Variants in ABCC9 observed in about 807,000 individuals in gnomAD.
The protein encoded by ABCC9 is ATP binding cassette subfamily C member 9.
In ABCC9, 95 loss-of-function variants were observed where a neutral mutation model predicts 188.3. The ratio of observed to expected loss-of-function variants is 0.50; its 90% CI spans 0.43 to 0.60. ABCC9 has a LOEUF of 0.60. Ranked by LOEUF, ABCC9 falls within the 20% of genes least tolerant of loss-of-function variation. ABCC9 has a pLI of 0.00. For synonymous variants in ABCC9, 659 were observed against 652.7 expected, an observed-to-expected ratio of 1.01 and a Z score of -0.15; for missense variants, 1,102 against 1,876.3, an observed-to-expected ratio of 0.59 and a Z score of 7.62.
At chr12:21,822,602 A>G (rs768094815) in intron 31 of ABCC9, among the ~76,000 whole-genome samples, 27 of 151,454 alleles carry the variant, frequency 1.8e-4, no homozygotes, top group Non-Finnish European at 1.9e-4. Flanking sequence ...GATCGAGACC[A>G]TCCTGGCTAA....
intron 5 of ABCC9, among the ~76,000 whole-genome samples, chr12:21,922,803 G>A (rs1948882415): frequency 8.4e-6 from 1 of 119,332 alleles, no homozygotes; most frequent in Non-Finnish European, 1.7e-5. Flanking sequence ...ACTGTATATA[G>A]AAACTCAAAA....
In ABCC9 at chr12:21,929,836, C is replaced by T. The variant is rs183862725; in HGVS notation, c.285-3773G>A. On this transcript the variant is annotated intron_variant, in intron 4 of 39. Transcript: ENST00000261200. ...GTACTGGGTATTAATTTTATATATA[C>T]ATATTTTTTTATTATACTTTAAGTT... is the stretch of plus-strand genomic sequence containing the variant. 4.4e-3 allele frequency among the ~76,000 whole-genome samples: 667 copies of T among 152,104 alleles called. 2 individuals are homozygous for T. Among genetic ancestry groups the T allele is most frequent in the Non-Finnish European group, 7.1e-3 (481 of 67,956 alleles).
At chr12:21,856,301 C>T (rs373221639) in intron 22 of ABCC9, among the ~76,000 whole-genome samples, 69 of 152,094 alleles carry the variant, frequency 4.5e-4, no homozygotes, top group African/African-American at 1.4e-3. Flanking sequence ...AATTGCCAAA[C>T]GGCCAATTCA....
chr12:21,941,267 T>G lies in ABCC9; in HGVS notation c.-204A>C, dbSNP rs560089127. The G allele has an allele frequency of 2.6e-5, 4 of 152,456 alleles. 1 individual carries two copies. In the East Asian group the frequency reaches 7.7e-4, roughly 29 times the overall value. 9.4% of individuals were successfully genotyped at this position (152,456 alleles called of 1,614,324 possible). On this transcript the variant is annotated 5_prime_UTR_variant, in exon 1 of 40. Coordinates refer to ENST00000261200, the MANE Select transcript of ABCC9 (RefSeq NM_020297.4). The surrounding 1 kb of genome is among the most constrained non-coding windows in gnomAD (Gnocchi z 5.4). ...CCGGAACGGATTATTTTTAGGGTGG[T>G]GGGAGACCAGCTGCTGCCTCCTATC...
chr12:21,822,573 T>G (rs916600606), intron 31 of ABCC9, among the ~76,000 whole-genome samples: 3 of 151,844 alleles, frequency 2.0e-5, no homozygotes, highest in South Asian at 2.1e-4. Flanking sequence ...GTCAAGGCGG[T>G]CAGATCACGA....
chr12:21,939,654 G>C (rs1949620164), intron 2 of ABCC9, among the ~76,000 whole-genome samples: 1 of 152,150 alleles, frequency 6.6e-6, no homozygotes, highest in Admixed American at 6.5e-5. Flanking sequence ...AGGAGAGAGA[G>C]AGAAGGGAGA....
intron 5 of ABCC9, among the ~76,000 whole-genome samples, chr12:21,918,217 T>G (rs1948676642): frequency 6.6e-6 from 1 of 152,080 alleles, no homozygotes; most frequent in Admixed American, 6.6e-5. Context: ...TAAAAAAGAC[T>G]TTTAATAATA....
At chr12:21,925,851 A>T in intron 5 of ABCC9, 91 bp downstream of exon 5, 3 of 1,367,968 alleles carry the variant, frequency 2.2e-6, no homozygotes, top group Non-Finnish European at 3.1e-6. Context: ...ACACTCTGAT[A>T]CTATTTACCC....
intron 18 of ABCC9, 53 bp from the exon 19 acceptor site, chr12:21,864,530 A>G (rs532499035): frequency 8.0e-7 from 1 of 1,249,536 alleles, no homozygotes; most frequent in Non-Finnish European, 1.2e-6. Context: ...ATATAGAACC[A>G]ATGTGCATAC....
chr12:21,895,602 TA>T (rs1287471034), intron 12 of ABCC9, among the ~76,000 whole-genome samples: 3 of 152,186 alleles, frequency 2.0e-5, no homozygotes, highest in Non-Finnish European at 4.4e-5. Context: ...CCTTTAATGA[TA>T]AAAATTATTA....
chr12:21,812,402 A>G (rs994747823), intron 35 of ABCC9, among the ~76,000 whole-genome samples: 1 of 152,204 alleles, frequency 6.6e-6, no homozygotes, highest in Non-Finnish European at 1.5e-5. Flanking sequence ...ATGCACACTT[A>G]TGTTTATGGC....
chr12:21,929,840 T>TA (rs1457502040), intron 4 of ABCC9, among the ~76,000 whole-genome samples: 3 of 152,082 alleles, frequency 2.0e-5, no homozygotes, highest in Non-Finnish European at 4.4e-5. Flanking sequence ...TATATACATA[T>TA]TTTTTTATTA....
chr12:21,893,894 A>C (rs1947284603), intron 14 of ABCC9, 138 bp downstream of exon 14: 1 of 882,088 alleles, frequency 1.1e-6, no homozygotes, highest in Non-Finnish European at 1.7e-6. Flanking sequence ...ACTGAAAAGT[A>C]GCATACCACA....
At position 21,859,633 on chromosome 12, in the gene ABCC9, T is replaced by A; in HGVS notation, c.2458A>T (p.Ile820Phe). 1 of 1,613,932 alleles carries A rather than the reference T, an allele frequency of 6.2e-7. No homozygotes were observed. The highest frequency in any genetic ancestry group is 8.5e-7 in the Non-Finnish European group (1 of 1,179,876). Residue 820 changes from isoleucine (I) to phenylalanine (F), a missense_variant, in exon 22 of 40, where the codon ATC becomes TTC. Ile to Phe is a conservative substitution (Grantham distance 21). Transcript: ENST00000261200. ...INLSGGQRQR[I>F]CVARALYQNT... ...TGATACAGCGCTCGTGCCACACAGA[T>A]TCTCTGCCTCTGTCCCCCACTCAGG...
intron 30 of ABCC9, among the ~76,000 whole-genome samples, chr12:21,829,986 C>T (rs2112080): frequency 0.29 from 43,632 of 151,982 alleles, 7,392 homozygotes; most frequent in Middle Eastern, 0.46. Flanking sequence ...ATGCTCTACA[C>T]CCCCAAATTC....
At chr12:21,915,327 G>A (rs1948519181) in intron 7 of ABCC9, among the ~76,000 whole-genome samples, 1 of 121,226 alleles carries the variant, frequency 8.2e-6, no homozygotes, top group Non-Finnish European at 1.8e-5. Context: ...GTATATATGT[G>A]TGTATATATA....
intron 15 of ABCC9, among the ~76,000 whole-genome samples, chr12:21,886,587 AAAC>A (rs774292215): frequency 6.6e-5 from 10 of 152,206 alleles, no homozygotes; most frequent in Admixed American, 2.0e-4. Context: ...TCTACACAGA[AAAC>A]AACAACATAA....
chr12:21,901,849 A>G (rs2137801810), intron 12 of ABCC9, among the ~76,000 whole-genome samples: 1 of 152,318 alleles, frequency 6.6e-6, no homozygotes, highest in East Asian at 1.9e-4. Flanking sequence ...CCACACAATA[A>G]TAATGGGAGA....
chr12:21,936,612 T>C lies in ABCC9; in HGVS notation c.63A>G (p.Gln21=). Reference sequence around the variant, plus strand: ...TGAGGGCATCCACAAAGCAGGAATTTTGTAGTACACCATCGTTGATATTAT... The same window carrying C: ...TGAGGGCATCCACAAAGCAGGAATTCTGTAGTACACCATCGTTGATATTAT... ...SSYNINDGVL[Q]NSCFVDALNL... The change falls in exon 3 of 40, where the codon CAA becomes CAG. Residue 21 remains glutamine, a synonymous_variant. Coordinates refer to ENST00000261200, the MANE Select transcript of ABCC9 (RefSeq NM_020297.4). The C allele has an allele frequency of 6.2e-7, 1 of 1,612,248 alleles. No homozygotes were observed. The highest frequency in any genetic ancestry group is 1.7e-5 in the Admixed American group (1 of 59,978).
Sources: gnomAD v4.1 joint callset for allele counts (sites outside exome capture counted in the v4.1 genomes callset) on GRCh38, gnomAD v4.1.1 for gene constraint, Gnocchi (gnomAD v3.1) non-coding constraint, MANE v1.5 for transcripts, NCBI Gene and HGNC (gene_info 2026-07-23, HGNC 2026-07-21) for gene names.